The following GPC5 variants were observed in gnomAD, a reference collection of about 807,000 sequenced individuals.
GPC5 encodes the protein glypican-5.
Under a neutral mutation model 53.9 loss-of-function variants are expected in GPC5, and 47 were observed. That is an observed-to-expected ratio of 0.87 (90% confidence interval 0.69 to 1.11). GPC5 has a LOEUF of 1.11. Among genes scored for constraint, GPC5 ranks in the 50% most tolerant of loss-of-function variants. GPC5 has a pLI of 0.00. For synonymous variants in GPC5, 286 were observed against 263.3 expected (o/e 1.09, Z -0.84); for missense variants, 748 against 713.1 (o/e 1.05, Z -0.56).
chr13:92,124,458 A>T (rs2041678445), intron 6 of GPC5, among the ~76,000 whole-genome samples: 1 of 152,156 alleles, frequency 6.6e-6, no homozygotes, highest in South Asian at 2.1e-4. Flanking sequence ...TGCAAAAAGG[A>T]AAAAAAGTAT....
intron 7 of GPC5, among the ~76,000 whole-genome samples, chr13:92,224,156 G>A (rs1393326641): frequency 6.6e-6 from 1 of 152,104 alleles, no homozygotes; most frequent in African/African-American, 2.4e-5. Flanking sequence ...AGAACTTTCT[G>A]CACTATTAAA....
At position 92,847,346 on chromosome 13, in the gene GPC5, T is replaced by C. The variant is rs146818377; in HGVS notation, c.1562-18936T>C. Among the ~76,000 whole-genome samples, 373 of 152,294 alleles carry C rather than the reference T, an allele frequency of 2.4e-3. 2 individuals are homozygous for C. Among genetic ancestry groups the C allele is most frequent in the African/African-American group, 8.8e-3 (364 of 41,564 alleles). On this transcript the variant is annotated intron_variant, in intron 7 of 7. Coordinates refer to ENST00000377067, the MANE Select transcript of GPC5 (RefSeq NM_004466.6). ...GAATAGGTGAGCCACTGTGATATGG[T>C]TTGGATTTGTGTCCTCGCCCAAATC...
chr13:91,610,237 A>G (rs934045992), intron 2 of GPC5, among the ~76,000 whole-genome samples: 2 of 152,240 alleles, frequency 1.3e-5, no homozygotes, highest in South Asian at 2.1e-4. Flanking sequence ...TTTCATTTTT[A>G]TATCCCACAA....
intron 7 of GPC5, among the ~76,000 whole-genome samples, chr13:92,193,569 C>T (rs990436987): frequency 6.6e-6 from 1 of 152,256 alleles, no homozygotes; most frequent in Non-Finnish European, 1.5e-5. Flanking sequence ...ATAAAACTAC[C>T]TCTTAAGAAT....
At chr13:92,126,512 T>A (rs1481059232) in intron 6 of GPC5, among the ~76,000 whole-genome samples, 1 of 152,192 alleles carries the variant, frequency 6.6e-6, no homozygotes, top group Non-Finnish European at 1.5e-5. Flanking sequence ...TTTATGTGGA[T>A]CCAGGCTCAA....
intron 2 of GPC5, among the ~76,000 whole-genome samples, chr13:91,670,654 T>C (rs937511960): frequency 6.6e-6 from 1 of 152,208 alleles, no homozygotes; most frequent in Non-Finnish European, 1.5e-5. Context: ...TCCTCTGATC[T>C]GCTTCAGTCT....
At chr13:92,335,936 T>G (rs1427083088) in intron 7 of GPC5, among the ~76,000 whole-genome samples, 1 of 152,198 alleles carries the variant, frequency 6.6e-6, no homozygotes, top group African/African-American at 2.4e-5. Flanking sequence ...AGTTCCAAAC[T>G]TTCCCACATT....
intron 5 of GPC5, among the ~76,000 whole-genome samples, chr13:91,849,296 G>C (rs2038887559): frequency 6.6e-6 from 1 of 152,110 alleles, no homozygotes; most frequent in South Asian, 2.1e-4. Context: ...CTTTGTGTCT[G>C]ACTTTCCAGG....
chr13:92,245,321 T>A (rs2042642576), intron 7 of GPC5, among the ~76,000 whole-genome samples: 1 of 152,132 alleles, frequency 6.6e-6, no homozygotes, highest in South Asian at 2.1e-4. Context: ...CCGCATCCTA[T>A]CCCCTTACTT....
At chr13:92,376,357 T>C (rs72638676) in intron 7 of GPC5, among the ~76,000 whole-genome samples, 4,432 of 152,300 alleles carry the variant, frequency 0.029, 136 homozygotes, top group East Asian at 0.11. Context: ...AATTTTTGCA[T>C]GGGCTTCTCA....
rs560560829 is a variant in GPC5 at position 92,408,133 on chromosome 13, A to G, written c.1561+263144A>G. On this transcript the variant is annotated intron_variant, in intron 7 of 7. Coordinates refer to ENST00000377067, the MANE Select transcript of GPC5 (RefSeq NM_004466.6). ...GTCAGAGCAGCAGTGGCATTAGATT[A>G]TCACGGGAACACAAACCCTACTGTG... 2.0e-5 allele frequency among the ~76,000 whole-genome samples: 3 copies of G among 152,302 alleles called. No individual in the cohort carries two copies. The South Asian group carries it at 6.2e-4, about 32-fold the overall frequency.
At chr13:92,621,010 A>AT (rs1249042946) in intron 7 of GPC5, among the ~76,000 whole-genome samples, 4 of 152,192 alleles carry the variant, frequency 2.6e-5, no homozygotes, top group African/African-American at 9.7e-5. Flanking sequence ...TAAAATTCTC[A>AT]TTTCACCATT....
chr13:92,160,814 C>T (rs1444907751), intron 7 of GPC5, among the ~76,000 whole-genome samples: 2 of 152,138 alleles, frequency 1.3e-5, no homozygotes, highest in Non-Finnish European at 2.9e-5. Flanking sequence ...AATAAGAAGA[C>T]GCAGCATGCC....
chr13:91,519,225 T>A (rs1418306344), intron 2 of GPC5, among the ~76,000 whole-genome samples: 1 of 152,214 alleles, frequency 6.6e-6, no homozygotes, highest in Non-Finnish European at 1.5e-5. Context: ...CCTCTATTTA[T>A]TCGTTATCCC....
chr13:91,576,992 G>A (rs1398112953), intron 2 of GPC5, among the ~76,000 whole-genome samples: 1 of 151,536 alleles, frequency 6.6e-6, no homozygotes, highest in East Asian at 1.9e-4. Context: ...TTCTTTTCTT[G>A]TATCAGAATT....
chr13:92,440,174 G>T (rs1037263603), intron 7 of GPC5, among the ~76,000 whole-genome samples: 5 of 152,150 alleles, frequency 3.3e-5, no homozygotes, highest in African/African-American at 9.7e-5. Flanking sequence ...TGATGCTGAG[G>T]TTTGGAATAT....
intron 7 of GPC5, among the ~76,000 whole-genome samples, chr13:92,697,983 T>G (rs546496523): frequency 6.6e-6 from 1 of 152,298 alleles, no homozygotes; most frequent in African/African-American, 2.4e-5. Context: ...GTTCTGTTTA[T>G]GTGATGATGG....
At chr13:91,407,609 G>A (rs1400793486) in intron 1 of GPC5, among the ~76,000 whole-genome samples, 2 of 152,150 alleles carry the variant, frequency 1.3e-5, no homozygotes, top group Non-Finnish European at 2.9e-5. Context: ...GAAATTAACA[G>A]TAAGGAACTA....
intron 4 of GPC5, among the ~76,000 whole-genome samples, chr13:91,742,223 C>G (rs1047089076): frequency 6.6e-6 from 1 of 152,006 alleles, no homozygotes; most frequent in African/African-American, 2.4e-5. Context: ...AAAGCAAATG[C>G]CAGAAGGCAG....
Sources: allele counts gnomAD v4.1 joint callset (sites outside exome capture counted in the v4.1 genomes callset), GRCh38; gene constraint gnomAD v4.1.1; transcripts MANE v1.5; gene names NCBI Gene and HGNC (gene_info 2026-07-23, HGNC 2026-07-21).